The following SPATA22 variants were observed in gnomAD, a reference collection of about 807,000 sequenced individuals.
The protein encoded by SPATA22 is spermatogenesis-associated protein 22.
SPATA22 carries 29 observed loss-of-function variants against 47.8 expected under a neutral mutation model. That is an observed-to-expected ratio of 0.61 (90% CI 0.45 to 0.83). SPATA22 has a LOEUF of 0.83. SPATA22 is among the 40% of genes least tolerant of loss of function. SPATA22 has a pLI of 0.00. For missense variants in SPATA22, 410 were observed against 421.7 expected, an observed-to-expected ratio of 0.97 and a Z score of 0.24; for synonymous variants, 133 against 140.9, an observed-to-expected ratio of 0.94 and a Z score of 0.40.
At chr17:3,442,145 C>T (rs1597383586) in intron 8 of SPATA22, among the ~76,000 whole-genome samples, 1 of 151,716 alleles carries the variant, frequency 6.6e-6, no homozygotes, top group African/African-American at 2.4e-5. Context: ...TGTTATACTG[C>T]AATAACAAAG....
At chr17:3,507,497 G>A (rs1221534233) in intron 1 of SPATA22, among the ~76,000 whole-genome samples, 1 of 152,106 alleles carries the variant, frequency 6.6e-6, no homozygotes, top group Non-Finnish European at 1.5e-5. Context: ...TACATTTTTT[G>A]AGTTGGACTG....
At chr17:3,469,490 T>C in intron 1 of SPATA22, 92 bp from the exon 2 acceptor site, 1 of 562,746 alleles carries the variant, frequency 1.8e-6, no homozygotes, top group Admixed American at 3.4e-5. Flanking sequence ...TGTAAACTAC[T>C]TTCAAACCTG....
At chr17:3,442,296 C>T (rs533899033) in intron 8 of SPATA22, among the ~76,000 whole-genome samples, 39 of 151,988 alleles carry the variant, frequency 2.6e-4, no homozygotes, top group Admixed American at 1.2e-3. Flanking sequence ...AACAACCTTT[C>T]GAAGTAGGAA....
intron 1 of SPATA22, among the ~76,000 whole-genome samples, chr17:3,504,610 A>G (rs1469728942): frequency 1.4e-5 from 2 of 145,934 alleles, no homozygotes; most frequent in Admixed American, 6.9e-5. Context: ...CAAGCTGGAG[A>G]GCAATGGCAT....
chr17:3,502,554 G>A (rs1266539846), intron 1 of SPATA22: 1 of 152,204 alleles, frequency 6.6e-6, no homozygotes, highest in African/African-American at 2.4e-5. Flanking sequence ...TTTAAGTGCT[G>A]TTTTGTAGAT....
chr17:3,440,540 G>A (rs2072575974), intron 8 of SPATA22: 3 of 379,190 alleles, frequency 7.9e-6, no homozygotes, highest in Admixed American at 8.8e-5. Context: ...CCCTCACTTG[G>A]TAGGGCTCTT....
intron 1 of SPATA22, chr17:3,498,864 A>G (rs993086856): frequency 1.3e-6 from 2 of 1,491,952 alleles, no homozygotes; most frequent in Admixed American, 2.5e-5. Flanking sequence ...CAAATATAAT[A>G]TATTTATTTT....
rs1333787187 is a variant in SPATA22 at position 3,465,117 on chromosome 17, C to T, written c.172+2309G>A. 3.4e-4 allele frequency among the ~76,000 whole-genome samples: 43 copies of T among 126,850 alleles called. 5 individuals carry two copies. Among genetic ancestry groups the T allele is most frequent in the African/African-American group, 1.0e-3 (35 of 33,354 alleles). The allele number at this position is 126,850 out of a possible 152,430, so 83.2% of individuals were successfully genotyped here. A position where few individuals can be genotyped will look rare whatever the true frequency, so the allele number is the denominator to read the frequency against. Reference sequence around the variant, plus strand: ...GCCACCCCGTCTGGGAAGTGAGGAGCGTCTCCGCCCGGCAGCCACCCCGTC... The same window carrying T: ...GCCACCCCGTCTGGGAAGTGAGGAGTGTCTCCGCCCGGCAGCCACCCCGTC... On this transcript the variant is annotated intron_variant, in intron 3 of 8. Coordinates refer to ENST00000572969, the MANE Select transcript of SPATA22 (RefSeq NM_001170698.2).
At chr17:3,464,179 G>T (rs1482701748) in intron 3 of SPATA22, among the ~76,000 whole-genome samples, 1 of 151,994 alleles carries the variant, frequency 6.6e-6, no homozygotes, top group Non-Finnish European at 1.5e-5. Flanking sequence ...GACGGGTTTC[G>T]CTGTGTTGGC....
At chr17:3,469,935 A>C (rs2073389498) in intron 1 of SPATA22, among the ~76,000 whole-genome samples, 1 of 152,072 alleles carries the variant, frequency 6.6e-6, no homozygotes, top group African/African-American at 2.4e-5. Context: ...CTCTACTAAA[A>C]ATACAAAATT....
In SPATA22 at chr17:3,490,541, G is replaced by A. The variant is rs955086799; in HGVS notation, c.-73-21143C>T. Among the ~76,000 whole-genome samples, 5 of 145,888 alleles carry A rather than the reference G, an allele frequency of 3.4e-5. No homozygotes were observed. Among genetic ancestry groups the A allele is most frequent in the East Asian group, 1.9e-4 (1 of 5,156 alleles). ...TGAATTCCTCAACCTCAGATCGTGC[G>A]CACCCCACTGCAATCACAGACATTC... is the stretch of plus-strand genomic sequence containing the variant. On this transcript the variant is annotated intron_variant, in intron 1 of 8. Transcript: ENST00000541913. The surrounding 1 kb of genome is among the most constrained non-coding windows in gnomAD (Gnocchi z 4.6).
chr17:3,442,169 C>T (rs1474305225), intron 8 of SPATA22, among the ~76,000 whole-genome samples: 7 of 152,004 alleles, frequency 4.6e-5, no homozygotes, highest in Admixed American at 3.9e-4. Flanking sequence ...TTTTAAAAAA[C>T]TTCAGACTAG....
intron 1 of SPATA22, among the ~76,000 whole-genome samples, chr17:3,486,930 G>T (rs1186109731): frequency 6.6e-6 from 1 of 152,160 alleles, no homozygotes; most frequent in Non-Finnish European, 1.5e-5. Flanking sequence ...AGAGTCAGGG[G>T]TGGCGTTGAA....
At position 3,462,474 on chromosome 17, in the gene SPATA22, T is replaced by G. The variant is rs1468753445; in HGVS notation, c.329+9A>C. The G allele has an allele frequency of 7.7e-6, 12 of 1,568,350 alleles. No homozygotes were observed. Among genetic ancestry groups the G allele is most frequent in the Non-Finnish European group, 1.0e-5 (12 of 1,159,022 alleles). ...AATAGAAGAAGAAAGAAATTTTAAG[T>G]AGACTCACCTCCAACCACCCTGGCT... On this transcript the variant is annotated intron_variant, in intron 5 of 8. Transcript: ENST00000572969.
chr17:3,447,308 A>AAT (rs2072748963), intron 6 of SPATA22, among the ~76,000 whole-genome samples: 1 of 152,090 alleles, frequency 6.6e-6, no homozygotes, highest in Admixed American at 6.6e-5. Flanking sequence ...AGTGTGTTAA[A>AAT]ATACTAATTT....
intron 5 of SPATA22, among the ~76,000 whole-genome samples, chr17:3,456,603 G>A (rs546531513): frequency 1.7e-4 from 26 of 152,218 alleles, no homozygotes; most frequent in East Asian, 3.9e-4. Context: ...ATTCACAGCC[G>A]AATTCTACCA....
upstream of SPATA22, chr17:3,471,890 G>C: frequency 1.0e-6 from 1 of 983,632 alleles, no homozygotes. Flanking sequence ...CATCTTCGCT[G>C]CCTGCCTGGC....
rs886052845 is a variant in SPATA22, at chr17:3,511,977, A to C, written c.-74+1435T>G. 2.0e-5 allele frequency: 3 copies of C among 152,168 alleles called. No individual in the cohort carries two copies. In the East Asian group the frequency reaches 5.8e-4, roughly 29 times the overall value. 9.4% of individuals were successfully genotyped at this position (152,168 alleles called of 1,614,324 possible). ...CTGTTCAGGCTTAATGCGGGTAGCT[A>C]ACTCCAGATGTGGAATGCTGATTTG... On this transcript the variant is annotated intron_variant, in intron 1 of 8. Coordinates refer to the SPATA22 transcript ENST00000541913.
At chr17:3,448,751 T>A (rs1466537436) in intron 6 of SPATA22, 56 bp downstream of exon 6, 1 of 1,289,268 alleles carries the variant, frequency 7.8e-7, no homozygotes, top group African/African-American at 1.5e-5. Context: ...TTCTAAATAT[T>A]TACCTCATAT....
Sources: gnomAD v4.1 joint callset for allele counts (sites outside exome capture counted in the v4.1 genomes callset) on GRCh38, gnomAD v4.1.1 for gene constraint, Gnocchi (gnomAD v3.1) non-coding constraint, MANE v1.5 for transcripts, NCBI Gene and HGNC (gene_info 2026-07-23, HGNC 2026-07-21) for gene names.